The following PRKCI variants were observed in gnomAD, a reference collection of about 807,000 sequenced individuals.
PRKCI encodes the protein protein kinase C iota type.
Under a neutral mutation model 84.0 loss-of-function variants are expected in PRKCI, and 43 were observed. The ratio of observed to expected loss-of-function variants is 0.51; its 90% CI spans 0.40 to 0.66. The LOEUF (loss-of-function observed/expected upper bound fraction) is 0.66. Among genes scored for constraint, PRKCI ranks in the 30% least tolerant of loss-of-function variants. PRKCI has a pLI of 0.00. For synonymous variants in PRKCI, 216 were observed against 234.4 expected, an observed-to-expected ratio of 0.92 and a Z score of 0.72; for missense variants, 459 against 745.6, an observed-to-expected ratio of 0.62 and a Z score of 4.48.
At chr3:170,224,601 G>A (rs2108832170) in intron 1 of PRKCI, among the ~76,000 whole-genome samples, 1 of 152,308 alleles carries the variant, frequency 6.6e-6, no homozygotes, top group East Asian at 1.9e-4. Flanking sequence ...TCGGCTCACT[G>A]CATTCTCCGC....
At chr3:170,239,717 G>A (rs1485007925) in intron 2 of PRKCI, among the ~76,000 whole-genome samples, 2 of 148,402 alleles carry the variant, frequency 1.3e-5, no homozygotes, top group Non-Finnish European at 3.0e-5. Context: ...TTCTTGCCCT[G>A]TTTTTTCTCT....
Position 170,295,906 on chromosome 3 carries a change from T to G in PRKCI, c.1418-5T>G. On this transcript the variant is annotated splice_region_variant and splice_polypyrimidine_tract_variant and intron_variant, in intron 14 of 17. Coordinates refer to ENST00000295797, the MANE Select transcript of PRKCI (RefSeq NM_002740.6). ...AATATAATACTATAATTTTTATCTT[T>G]CTAGTTATTTTGGAAAAACAAATTC... The G allele has an allele frequency of 6.5e-7, 1 of 1,528,968 alleles. No individual in the cohort carries two copies. Among genetic ancestry groups the G allele is most frequent in the Non-Finnish European group, 8.9e-7 (1 of 1,121,448 alleles). 94.7% of individuals were successfully genotyped at this position (1,528,968 alleles called of 1,614,324 possible). A position where few individuals can be genotyped will look rare whatever the true frequency, so the allele number is the denominator to read the frequency against.
At chr3:170,230,108 G>C (rs927124331) in intron 1 of PRKCI, among the ~76,000 whole-genome samples, 5 of 148,896 alleles carry the variant, frequency 3.4e-5, no homozygotes, top group Non-Finnish European at 5.9e-5. Flanking sequence ...TGGATTTACT[G>C]TCTTAGGTAA....
chr3:170,304,424 TA>T lies in PRKCI; in HGVS notation c.*1298del, dbSNP rs1195736642. On this transcript the variant is annotated 3_prime_UTR_variant, in exon 18 of 18. Coordinates refer to ENST00000295797, the MANE Select transcript of PRKCI (RefSeq NM_002740.6). Reference sequence around the variant, plus strand: ...AATATTTTTTCCTTATAATTTAGCATACAGGAAAAGTATTTATTTTTTAAGT... The same window carrying T: ...AATATTTTTTCCTTATAATTTAGCATCAGGAAAAGTATTTATTTTTTAAGT... 1 of 152,216 alleles carries T rather than the reference TA, an allele frequency of 6.6e-6. No homozygotes were observed. Among genetic ancestry groups the T allele is most frequent in the East Asian group, 1.9e-4 (1 of 5,204 alleles). 9.4% of individuals were successfully genotyped at this position (152,216 alleles called of 1,614,324 possible).
At chr3:170,246,743 C>G (rs78768027) in intron 2 of PRKCI, among the ~76,000 whole-genome samples, 3,165 of 152,290 alleles carry the variant, frequency 0.021, 51 homozygotes, top group East Asian at 0.085. Flanking sequence ...CAGTGTTGTA[C>G]AACTATTAAC....
chr3:170,273,463 A>G (rs1734044393), intron 7 of PRKCI, 123 bp downstream of exon 7: 3 of 931,170 alleles, frequency 3.2e-6, no homozygotes, highest in Admixed American at 2.3e-5. Context: ...GTAAATACAT[A>G]TATTTTGTAG....
chr3:170,230,165 CTTTT>C (rs545430768), intron 1 of PRKCI, among the ~76,000 whole-genome samples: 1 of 134,900 alleles, frequency 7.4e-6, no homozygotes. Flanking sequence ...TATTATGCAA[CTTTT>C]TTTTTTTTTT....
intron 2 of PRKCI, among the ~76,000 whole-genome samples, chr3:170,253,834 C>T (rs113893422): frequency 0.036 from 5,463 of 151,414 alleles, 161 homozygotes; most frequent in East Asian, 0.086. Context: ...TGGTGTCTCA[C>T]GCTTGTAATC....
chr3:170,232,822 C>T (rs1161351912), intron 1 of PRKCI, among the ~76,000 whole-genome samples: 4 of 151,376 alleles, frequency 2.6e-5, no homozygotes, highest in East Asian at 2.0e-4. Flanking sequence ...ATTACAGGCA[C>T]GAGCCACCTT....
chr3:170,268,946 G>C (rs1348015454), intron 5 of PRKCI, among the ~76,000 whole-genome samples: 1 of 151,926 alleles, frequency 6.6e-6, no homozygotes, highest in Non-Finnish European at 1.5e-5. Context: ...ACAGAGTCCC[G>C]CTCTATCGCC....
intron 2 of PRKCI, among the ~76,000 whole-genome samples, chr3:170,254,643 G>C (rs1348040131): frequency 6.6e-6 from 1 of 152,054 alleles, no homozygotes; most frequent in East Asian, 1.9e-4. Flanking sequence ...TAGATGTATG[G>C]ATTTATTTCT....
intron 16 of PRKCI, among the ~76,000 whole-genome samples, chr3:170,298,217 A>G (rs1734733405): frequency 6.6e-6 from 1 of 151,952 alleles, no homozygotes; most frequent in South Asian, 2.1e-4. Flanking sequence ...TAATGTTATT[A>G]AGGCCCATAT....
rs530660171 is a variant in PRKCI at position 170,292,088 on chromosome 3, T to C, written c.1291+147T>C. 2.8e-5 allele frequency: 18 copies of C among 644,922 alleles called. No individual in the cohort carries two copies. In the South Asian group the frequency reaches 3.3e-4, roughly 12 times the overall value. 39.9% of individuals were successfully genotyped at this position (644,922 alleles called of 1,614,324 possible). A position where few individuals can be genotyped will look rare whatever the true frequency, so the allele number is the denominator to read the frequency against. ...ATCCTGTTAAAAACTACATGGAGAGTCCCAGACTTTGAAATCGAGACAGTG... is the reference window on the plus strand; with the variant it reads ...ATCCTGTTAAAAACTACATGGAGAGCCCCAGACTTTGAAATCGAGACAGTG... On this transcript the variant is annotated intron_variant, in intron 13 of 17. Transcript: ENST00000295797.
intron 1 of PRKCI, among the ~76,000 whole-genome samples, chr3:170,233,942 A>T (rs1206396016): frequency 6.6e-6 from 1 of 151,308 alleles, no homozygotes; most frequent in Non-Finnish European, 1.5e-5. Context: ...GCTGATTTCG[A>T]ACTCCTGACC....
chr3:170,272,124 T>G (rs185421790), intron 6 of PRKCI, among the ~76,000 whole-genome samples: 185 of 152,272 alleles, frequency 1.2e-3, no homozygotes, highest in Non-Finnish European at 4.3e-4. Context: ...CGTGAGCCAC[T>G]GCACTTGGCC....
chr3:170,303,248 C>G lies in PRKCI; in HGVS notation c.*121C>G. 2 of 624,978 alleles carry G rather than the reference C, an allele frequency of 3.2e-6. No homozygotes were observed. Among genetic ancestry groups the G allele is most frequent in the Non-Finnish European group, 5.4e-6 (2 of 371,442 alleles). The allele number at this position is 624,978 out of a possible 1,614,324, so 38.7% of individuals were successfully genotyped here. ...CCACCTACAAAAAAACACCCAATAT[C>G]TTCTCTTGTAGACTATATGAATCAA... On this transcript the variant is annotated 3_prime_UTR_variant, in exon 18 of 18. Coordinates refer to ENST00000295797, the MANE Select transcript of PRKCI (RefSeq NM_002740.6).
rs143264839 is a variant in PRKCI at position 170,290,808 on chromosome 3, A to G, written c.1204-1046A>G. Among the ~76,000 whole-genome samples the G allele has an allele frequency of 2.2e-3, 327 of 152,024 alleles. 1 individual carries two copies. Among genetic ancestry groups the G allele is most frequent in the African/African-American group, 7.4e-3 (308 of 41,484 alleles). ...GGGTAGTTCCTTTACTCTGCCTGTT[A>G]GTGTGTTTTGCCTTATTTTTTTTCC... On this transcript the variant is annotated intron_variant, in intron 12 of 17. Transcript: ENST00000295797.
At position 170,304,300 on chromosome 3, in the gene PRKCI, C is replaced by T. The variant is rs1431000408; in HGVS notation, c.*1173C>T. On this transcript the variant is annotated 3_prime_UTR_variant, in exon 18 of 18. Transcript: ENST00000295797. ...TTTTATTTCCTATTGGAGAGTGAATCCCCACAGTTGCTTTTTGTGACTTGA... is the reference window on the plus strand; with the variant it reads ...TTTTATTTCCTATTGGAGAGTGAATTCCCACAGTTGCTTTTTGTGACTTGA... 1 of 152,236 alleles carries T rather than the reference C, an allele frequency of 6.6e-6. No homozygotes were observed. Among genetic ancestry groups the T allele is most frequent in the South Asian group, 2.1e-4 (1 of 4,826 alleles). The allele number at this position is 152,236 out of a possible 1,614,324, so 9.4% of individuals were successfully genotyped here. A position where few individuals can be genotyped will look rare whatever the true frequency, so the allele number is the denominator to read the frequency against.
chr3:170,298,191 G>A (rs529742479), intron 16 of PRKCI, among the ~76,000 whole-genome samples: 1 of 151,802 alleles, frequency 6.6e-6, no homozygotes, highest in Non-Finnish European at 1.5e-5. Context: ...GAATATTAAT[G>A]TAATAAAGCA....
Sources: gnomAD v4.1 joint callset for allele counts (sites outside exome capture counted in the v4.1 genomes callset) on GRCh38, gnomAD v4.1.1 for gene constraint, MANE v1.5 for transcripts, NCBI Gene and HGNC (gene_info 2026-07-23, HGNC 2026-07-21) for gene names.